The following EIF4E3 variants were observed in gnomAD, a reference collection of about 807,000 sequenced individuals.
EIF4E3 encodes the protein eukaryotic translation initiation factor 4E family member 3, also known as eukaryotic translation initiation factor 4E type 3.
Under a neutral mutation model 31.7 loss-of-function variants are expected in EIF4E3, and 26 were observed. That is an observed-to-expected ratio of 0.82 (90% CI 0.60 to 1.14). The LOEUF (loss-of-function observed/expected upper bound fraction) is 1.14, where lower values mean the gene tolerates loss of function less well. EIF4E3 is among the 50% of genes most tolerant of loss of function. EIF4E3 has a pLI of 0.00. For missense variants in EIF4E3, 304 were observed against 270.9 expected (o/e 1.12, Z -0.86); for synonymous variants, 128 against 107.7 (o/e 1.19, Z -1.17).
chr3:71,696,377 T>A (rs1271224437), intron 4 of EIF4E3, 83 bp downstream of exon 4: 1 of 1,504,996 alleles, frequency 6.6e-7, no homozygotes, highest in East Asian at 2.3e-5. Flanking sequence ...AAATAGGCTA[T>A]CTGCAAAGCA....
At position 71,677,690 on chromosome 3, in the gene EIF4E3, G is replaced by C. The variant is rs556564442; in HGVS notation, c.*6992C>G. On this transcript the variant is annotated 3_prime_UTR_variant, in exon 7 of 7. Transcript: ENST00000425534. ...AATTAGGCATCACACATAAGATCCT[G>C]AATTGCTTGTTTCTGCAGGGAGAGA... 6.6e-6 allele frequency: 1 copy of C among 152,312 alleles called. No homozygotes were observed. Among genetic ancestry groups the C allele is most frequent in the African/African-American group, 2.4e-5 (1 of 41,552 alleles). The allele number at this position is 152,312 out of a possible 1,614,324, so 9.4% of individuals were successfully genotyped here.
upstream of EIF4E3, chr3:71,754,154 C>T (rs767535263): frequency 6.8e-7 from 1 of 1,461,458 alleles, no homozygotes; most frequent in Non-Finnish European, 9.1e-7. This position sits in a 1 kb window ranked among gnomAD's most constrained non-coding sequence, Gnocchi z 5.8. Flanking sequence ...GCCTAGCGGG[C>T]AACGTGCTGT....
chr3:71,706,414 A>G (rs1343412990), intron 2 of EIF4E3, among the ~76,000 whole-genome samples: 1 of 152,202 alleles, frequency 6.6e-6, no homozygotes, highest in Non-Finnish European at 1.5e-5. Context: ...CTTTAATAAG[A>G]CAATCATTAA....
chr3:71,700,007 T>C (rs2049193395), intron 2 of EIF4E3, among the ~76,000 whole-genome samples: 1 of 152,032 alleles, frequency 6.6e-6, no homozygotes, highest in South Asian at 2.1e-4. Context: ...ATCCCATCTC[T>C]ACAAAAAATA....
chr3:71,731,320 C>T (rs1050700053), intron 1 of EIF4E3, among the ~76,000 whole-genome samples: 18 of 152,216 alleles, frequency 1.2e-4, no homozygotes, highest in Non-Finnish European at 2.4e-4. Context: ...TGCCTCAAAG[C>T]TTCTCTGTGG....
chr3:71,698,646 G>T (rs976578945), intron 3 of EIF4E3, among the ~76,000 whole-genome samples: 1 of 152,238 alleles, frequency 6.6e-6, no homozygotes, highest in African/African-American at 2.4e-5. Flanking sequence ...GCCAGAAATT[G>T]AAAGGGGACT....
chr3:71,748,688 A>C lies in EIF4E3; in HGVS notation c.-291+4775T>G, dbSNP rs574778769. Among the ~76,000 whole-genome samples, 14 of 152,324 alleles carry C rather than the reference A, an allele frequency of 9.2e-5. No homozygotes were observed. The East Asian group carries it at 2.7e-3, about 29-fold the overall frequency. On this transcript the variant is annotated intron_variant, in intron 1 of 7. Transcript: ENST00000295612. Reference sequence around the variant, plus strand: ...GAACGATATGCCAACAACTGATGAAATATGAGAAGGGACACCCCACACACA... The same window carrying C: ...GAACGATATGCCAACAACTGATGAACTATGAGAAGGGACACCCCACACACA...
chr3:71,739,637 C>T (rs914551729), intron 1 of EIF4E3, among the ~76,000 whole-genome samples: 8 of 151,832 alleles, frequency 5.3e-5, no homozygotes, highest in Non-Finnish European at 1.0e-4. Flanking sequence ...ATTGAGGCTG[C>T]GGTGAGCCGT....
rs2107989243 is a variant in EIF4E3, at chr3:71,677,169, T to A, written c.*7513A>T. On this transcript the variant is annotated 3_prime_UTR_variant, in exon 7 of 7. Transcript: ENST00000425534. ...GCTTATGATTTAAACTTATTTTCTC[T>A]GGCAAGAAATAAGCTAGTCAGCACC... 6.6e-6 allele frequency: 1 copy of A among 152,346 alleles called. No homozygotes were observed. The highest frequency in any genetic ancestry group is 2.4e-5 in the African/African-American group (1 of 41,582). 9.4% of individuals were successfully genotyped at this position (152,346 alleles called of 1,614,324 possible).
intron 3 of EIF4E3, among the ~76,000 whole-genome samples, 199 bp from the exon 4 acceptor site, chr3:71,696,719 A>ATTTT (rs151225724): frequency 2.6e-4 from 37 of 141,126 alleles, no homozygotes; most frequent in Non-Finnish European, 3.4e-4. Flanking sequence ...GTATATCTGA[A>ATTTT]TTTTTTTTTT....
intron 1 of EIF4E3, among the ~76,000 whole-genome samples, chr3:71,720,016 T>A (rs2049522647): frequency 1.3e-5 from 2 of 151,296 alleles, no homozygotes; most frequent in Non-Finnish European, 1.5e-5. Context: ...TGTCTCAAAA[T>A]ATATATATAT....
At chr3:71,723,878 C>A (rs1287419534) in intron 1 of EIF4E3, among the ~76,000 whole-genome samples, 2 of 152,080 alleles carry the variant, frequency 1.3e-5, no homozygotes, top group Non-Finnish European at 2.9e-5. Context: ...TCTCCCCCAC[C>A]CCCAACTTTT....
the EIF4E3 span, among the ~76,000 whole-genome samples, chr3:71,669,474 C>A: frequency 2.0e-5 from 3 of 152,128 alleles, no homozygotes; most frequent in South Asian, 6.2e-4. Flanking sequence ...TGTCCCCCAA[C>A]AATTGAATTT....
chr3:71,660,891 T>A, the EIF4E3 span, among the ~76,000 whole-genome samples: 1 of 152,104 alleles, frequency 6.6e-6, no homozygotes, highest in Non-Finnish European at 1.5e-5. Flanking sequence ...GGCTGGTTAT[T>A]TTTATGAAGG....
downstream of EIF4E3, among the ~76,000 whole-genome samples, chr3:71,674,672 C>A (rs1007291401): frequency 1.3e-5 from 2 of 152,094 alleles, no homozygotes; most frequent in Non-Finnish European, 2.9e-5. Context: ...TTAAGCTGGG[C>A]CAATACCTGA....
intron 3 of EIF4E3, among the ~76,000 whole-genome samples, chr3:71,696,922 G>A (rs2049146474): frequency 1.3e-5 from 2 of 151,780 alleles, no homozygotes; most frequent in Admixed American, 1.3e-4. Context: ...ATTTCACTGT[G>A]TTAGCCAGGA....
chr3:71,734,983 G>A (rs1404670010), intron 1 of EIF4E3, among the ~76,000 whole-genome samples: 1 of 152,186 alleles, frequency 6.6e-6, no homozygotes, highest in African/African-American at 2.4e-5. Flanking sequence ...AGGCTGGAAT[G>A]AAATTATTGG....
At chr3:71,736,480 A>G (rs2049764665) in intron 1 of EIF4E3, among the ~76,000 whole-genome samples, 3 of 152,238 alleles carry the variant, frequency 2.0e-5, no homozygotes, top group African/African-American at 7.2e-5. Context: ...CTAAAAAGCA[A>G]TGAGCTATTA....
intron 1 of EIF4E3, among the ~76,000 whole-genome samples, chr3:71,723,707 G>A (rs1393476272): frequency 6.6e-6 from 1 of 152,164 alleles, no homozygotes. Context: ...CTTGAAAACA[G>A]ATACCAGGTA....
Sources: gnomAD v4.1 joint callset for allele counts (sites outside exome capture counted in the v4.1 genomes callset) on GRCh38, gnomAD v4.1.1 for gene constraint, Gnocchi (gnomAD v3.1) non-coding constraint, MANE v1.5 for transcripts, NCBI Gene and HGNC (gene_info 2026-07-23, HGNC 2026-07-21) for gene names.